ITIH5: variants seen among roughly 807,000 people sequenced by gnomAD.
ITIH5 encodes the protein inter-alpha-trypsin inhibitor heavy chain H5.
In ITIH5, 65 loss-of-function variants were observed where a neutral mutation model predicts 77.5. The observed-to-expected ratio is 0.84, with a 90% CI of 0.69 to 1.03. ITIH5 has a LOEUF of 1.03. Among genes scored for constraint, ITIH5 ranks in the 50% least tolerant of loss-of-function variants. The pLI is 0.00. For synonymous variants in ITIH5, 525 were observed against 494.3 expected, an observed-to-expected ratio of 1.06 and a Z score of -0.82; for missense variants, 1,208 against 1,213.1, an observed-to-expected ratio of 1.00 and a Z score of 0.06.
At chr10:7,651,007 C>A (rs1834091354) in intron 2 of ITIH5, among the ~76,000 whole-genome samples, 1 of 124,152 alleles carries the variant, frequency 8.1e-6, no homozygotes, top group Non-Finnish European at 1.6e-5. Context: ...ACTTCCTGAA[C>A]AGGATGCACA....
chr10:7,637,522 G>T, intron 4 of ITIH5, 44 bp from the exon 5 acceptor site: 2 of 1,590,052 alleles, frequency 1.3e-6, no homozygotes, highest in East Asian at 2.2e-5. Context: ...TTCGGAAGAG[G>T]ATAGAGCCAG....
intron 7 of ITIH5, among the ~76,000 whole-genome samples, chr10:7,595,105 G>A (rs1832868569): frequency 6.6e-6 from 1 of 152,192 alleles, no homozygotes; most frequent in Admixed American, 6.5e-5. Flanking sequence ...TGTGGTCCCA[G>A]CTATTCAGGA....
At chr10:7,644,655 CATATATATCAT>C (rs1833961321) in intron 2 of ITIH5, among the ~76,000 whole-genome samples, 8 of 124,946 alleles carry the variant, frequency 6.4e-5, no homozygotes, top group Admixed American at 1.7e-4. Context: ...ATATATATCA[CATATATATCAT>C]ATATATCACA....
chr10:7,595,162 T>G (rs1408848790), intron 7 of ITIH5, among the ~76,000 whole-genome samples: 1 of 152,114 alleles, frequency 6.6e-6, no homozygotes, highest in African/African-American at 2.4e-5. Context: ...GAGGCTGCAG[T>G]GAGCTAGGAT....
intron 7 of ITIH5, among the ~76,000 whole-genome samples, chr10:7,596,581 T>C (rs1473456146): frequency 6.6e-6 from 1 of 152,148 alleles, no homozygotes; most frequent in Non-Finnish European, 1.5e-5. Flanking sequence ...AACTCAGCAT[T>C]AGCCATTCCA....
chr10:7,574,772 G>A (rs747901971), intron 10 of ITIH5, among the ~76,000 whole-genome samples: 5 of 128,830 alleles, frequency 3.9e-5, no homozygotes, highest in East Asian at 2.2e-4. Context: ...CAGCTTGGGC[G>A]AAAGAGCGAG....
rs367911074 is a variant in ITIH5, at chr10:7,563,433, C to T, written c.2528-49G>A. 24 of 1,537,620 alleles carry T rather than the reference C, an allele frequency of 1.6e-5. No individual in the cohort carries two copies. The African/African-American group carries it at 2.7e-4, about 18-fold the overall frequency. On this transcript the variant is annotated intron_variant, in intron 13 of 13. Transcript: ENST00000397146. ...GGGTCTCAGTCAAATGCAGAAACCT[C>T]GTGCTGAACTCCAACTTCAGAGCTA...
chr10:7,562,935 G>C lies in ITIH5; in HGVS notation c.*148C>G. On this transcript the variant is annotated 3_prime_UTR_variant, in exon 14 of 14. Transcript: ENST00000397146. ...CCCACCCCTACCCTTCGCCCAGACA[G>C]ACGTCGGATCTATGCTGCACCAGGG... 2.2e-6 allele frequency: 1 copy of C among 463,516 alleles called. No homozygotes were observed. The highest frequency in any genetic ancestry group is 4.2e-6 in the Non-Finnish European group (1 of 235,832). 28.7% of individuals were successfully genotyped at this position (463,516 alleles called of 1,614,324 possible).
chr10:7,637,344 T>A lies in ITIH5; in HGVS notation c.536A>T (p.Gln179Leu). The A allele has an allele frequency of 3.1e-6, 5 of 1,614,168 alleles. No homozygotes were observed. The highest frequency in any genetic ancestry group is 4.2e-6 in the Non-Finnish European group (5 of 1,180,034). Residue 179 changes from glutamine (Q) to leucine (L), a missense_variant, in exon 5 of 14, where the codon CAG becomes CTG. Gln to Leu is a moderately radical substitution (Grantham distance 113). Transcript: ENST00000397146. ...KYEHSISVRP[Q>L]QLSGRLSVDV... ...CACGCTCAGCCTCCCGGACAGCTGC[T>A]GGGGCCGCACGCTGATGCTGTGCTC... is the stretch of plus-strand genomic sequence containing the variant.
intron 7 of ITIH5, among the ~76,000 whole-genome samples, chr10:7,606,586 C>T (rs542129420): frequency 1.3e-5 from 2 of 152,296 alleles, no homozygotes; most frequent in South Asian, 4.1e-4. Flanking sequence ...TGAACAGACA[C>T]TGGGGCCTCT....
Position 7,637,397 on chromosome 10 carries a change from C to T in ITIH5, c.483G>A (p.Glu161=), listed in dbSNP as rs761392622. The change falls in exon 5 of 14, where the codon GAG becomes GAA. Residue 161 remains glutamate, a synonymous_variant. Transcript: ENST00000397146. ...DKAAFFLSYE[E]LLQRRLGKYE... Reference sequence around the variant, plus strand: ...ACTTGCCCAGGCGCCTCTGCAGAAGCTCCTCATAACTCAGGAAAAAGGCGG... The same window carrying T: ...ACTTGCCCAGGCGCCTCTGCAGAAGTTCCTCATAACTCAGGAAAAAGGCGG... 2 of 1,614,088 alleles carry T rather than the reference C, an allele frequency of 1.2e-6. No homozygotes were observed. Among genetic ancestry groups the T allele is most frequent in the Non-Finnish European group, 1.7e-6 (2 of 1,179,940 alleles).
At chr10:7,579,323 C>T (rs1483915311) in intron 9 of ITIH5, among the ~76,000 whole-genome samples, 1 of 152,156 alleles carries the variant, frequency 6.6e-6, no homozygotes, top group Non-Finnish European at 1.5e-5. Flanking sequence ...GTCAGGAGTT[C>T]GAGACCAGCC....
intron 8 of ITIH5, 77 bp downstream of exon 8, chr10:7,585,824 G>GGA: frequency 9.4e-7 from 1 of 1,061,120 alleles, no homozygotes; most frequent in Non-Finnish European, 1.3e-6. Flanking sequence ...TTATCTCTTG[G>GGA]CAAAAAAAAA....
intron 11 of ITIH5, chr10:7,570,281 T>C (rs1832270929): frequency 6.6e-6 from 1 of 152,658 alleles, no homozygotes; most frequent in Admixed American, 6.5e-5. Flanking sequence ...CAGCGTCAGC[T>C]GTACGCCACC....
chr10:7,626,739 A>T (rs1833585459), intron 5 of ITIH5, among the ~76,000 whole-genome samples: 1 of 152,220 alleles, frequency 6.6e-6, no homozygotes, highest in African/African-American at 2.4e-5. Context: ...ATTGCACAGG[A>T]CATATCGTTT....
At position 7,615,915 on chromosome 10, in the gene ITIH5, C is replaced by T. The variant is rs1246719596; in HGVS notation, c.939+67G>A. The T allele has an allele frequency of 1.8e-5, 18 of 999,376 alleles. No homozygotes were observed. The East Asian group carries it at 1.9e-4, about 11-fold the overall frequency. 61.9% of individuals were successfully genotyped at this position (999,376 alleles called of 1,614,324 possible). On this transcript the variant is annotated intron_variant, in intron 7 of 13. Coordinates refer to ENST00000397146, the MANE Select transcript of ITIH5 (RefSeq NM_030569.7). ...CGTTTGGCATCTACCGAACTTTATT[C>T]GCAAAGCAAGTCATTGTCCCAGGCA...
chr10:7,570,606 A>G (rs756211373), intron 11 of ITIH5, among the ~76,000 whole-genome samples: 1 of 152,184 alleles, frequency 6.6e-6, no homozygotes, highest in South Asian at 2.1e-4. Context: ...TCTAATTTAT[A>G]TTCCAAGTGC....
intron 4 of ITIH5, among the ~76,000 whole-genome samples, chr10:7,639,042 TATGTC>T (rs1213714446): frequency 6.6e-6 from 1 of 152,168 alleles, no homozygotes; most frequent in African/African-American, 2.4e-5. Context: ...AACAGAAACA[TATGTC>T]ATGATTCAAC....
rs200288733 is a variant in ITIH5 at position 7,624,816 on chromosome 10, C to T, written c.653-7534G>A. ...AAAAAAAAATATATATATATATACA[C>T]ATATATATGTGTATATACATGTATA... On this transcript the variant is annotated intron_variant, in intron 5 of 13. Transcript: ENST00000397146. Among the ~76,000 whole-genome samples the T allele has an allele frequency of 1.6e-4, 6 of 36,612 alleles. No individual in the cohort carries two copies. The South Asian group carries it at 4.5e-3, about 27-fold the overall frequency. 24.0% of individuals were successfully genotyped at this position (36,612 alleles called of 152,430 possible). A position where few individuals can be genotyped will look rare whatever the true frequency, so the allele number is the denominator to read the frequency against.
Sources: allele counts gnomAD v4.1 joint callset (sites outside exome capture counted in the v4.1 genomes callset), GRCh38; gene constraint gnomAD v4.1.1; transcripts MANE v1.5; gene names NCBI Gene and HGNC (gene_info 2026-07-23, HGNC 2026-07-21).